Variants in CDH12 observed in about 807,000 individuals in gnomAD.
CDH12 encodes cadherin-12.
A neutral mutation model predicts 74.1 loss-of-function variants in CDH12; 41 were observed. That is an observed-to-expected ratio of 0.55 (90% CI 0.43 to 0.72). The LOEUF (loss-of-function observed/expected upper bound fraction) is 0.72, where lower values mean the gene tolerates loss of function less well. CDH12 is among the 30% of genes least tolerant of loss of function. CDH12 has a pLI of 0.00. For synonymous variants in CDH12, 399 were observed against 355.0 expected (o/e 1.12, Z -1.39); for missense variants, 945 against 977.2 (o/e 0.97, Z 0.44).
chr5:22,250,287 T>A (rs1381038332), intron 3 of CDH12, among the ~76,000 whole-genome samples: 3 of 152,132 alleles, frequency 2.0e-5, no homozygotes, highest in Admixed American at 6.6e-5. Context: ...AATCTACAAA[T>A]CTGCAATTTG....
At chr5:22,198,078 AT>A (rs1750723858) in intron 4 of CDH12, among the ~76,000 whole-genome samples, 1 of 152,046 alleles carries the variant, frequency 6.6e-6, no homozygotes, top group Non-Finnish European at 1.5e-5. Flanking sequence ...TTTACTTATA[AT>A]TACAACAAAG....
At chr5:21,873,730 A>G (rs139611498) in intron 6 of CDH12, among the ~76,000 whole-genome samples, 224 of 152,208 alleles carry the variant, frequency 1.5e-3, no homozygotes, top group African/African-American at 5.0e-3. Flanking sequence ...CTATCAACCT[A>G]TCACCTAGGT....
At chr5:21,877,872 G>C (rs913505844) in intron 6 of CDH12, among the ~76,000 whole-genome samples, 5 of 152,138 alleles carry the variant, frequency 3.3e-5, no homozygotes, top group Non-Finnish European at 7.3e-5. Flanking sequence ...GGACTGCATT[G>C]ATACCCATTA....
At chr5:22,212,723 G>A (rs916595251) in intron 3 of CDH12, 80 bp from the exon 4 acceptor site, 54 of 342,106 alleles carry the variant, frequency 1.6e-4, no homozygotes, top group African/African-American at 1.2e-3. Flanking sequence ...TTCTGAACGG[G>A]AGATTCTCCG....
At chr5:22,290,275 G>A (rs534295044) in intron 3 of CDH12, among the ~76,000 whole-genome samples, 1 of 151,816 alleles carries the variant, frequency 6.6e-6, no homozygotes, top group African/African-American at 2.4e-5. Flanking sequence ...CAAAATGAGG[G>A]GTCAGTGACT....
intron 3 of CDH12, among the ~76,000 whole-genome samples, chr5:22,278,580 A>T (rs761548833): frequency 4.6e-5 from 7 of 152,124 alleles, no homozygotes; most frequent in Non-Finnish European, 8.8e-5. Flanking sequence ...TGACACTTGA[A>T]GGATACATTA....
intron 6 of CDH12, chr5:21,882,811 C>A (rs1253559153): frequency 6.4e-6 from 10 of 1,559,070 alleles, no homozygotes; most frequent in African/African-American, 5.4e-5. Context: ...CCCAACGTAA[C>A]AAAAGATGGT....
intron 1 of CDH12, among the ~76,000 whole-genome samples, chr5:22,742,623 A>G (rs570271634): frequency 3.3e-5 from 5 of 152,240 alleles, no homozygotes; most frequent in African/African-American, 1.2e-4. Context: ...AACTAATCAT[A>G]ATATGCTGCC....
intron 1 of CDH12, among the ~76,000 whole-genome samples, chr5:22,795,345 C>A (rs1748140030): frequency 1.3e-5 from 2 of 152,126 alleles, no homozygotes; most frequent in East Asian, 1.9e-4. Context: ...AAAATAAGGG[C>A]AGAACAAGTG....
intron 4 of CDH12, among the ~76,000 whole-genome samples, chr5:22,182,857 T>G (rs1472328264): frequency 6.6e-6 from 1 of 151,814 alleles, no homozygotes; most frequent in Non-Finnish European, 1.5e-5. Flanking sequence ...TCTCTACAAC[T>G]GATTAGAGCT....
intron 4 of CDH12, among the ~76,000 whole-genome samples, chr5:22,207,216 CAA>C (rs11430414): frequency 3.2e-5 from 3 of 92,342 alleles, no homozygotes; most frequent in African/African-American, 4.1e-5. Context: ...AAGACTGTCT[CAA>C]AAAAAAAAAA....
At chr5:22,714,846 A>G (rs1346171241) in intron 1 of CDH12, among the ~76,000 whole-genome samples, 1 of 152,204 alleles carries the variant, frequency 6.6e-6, no homozygotes, top group East Asian at 1.9e-4. Flanking sequence ...GGGGCTTAAC[A>G]ACGTACTTTG....
At position 21,751,959 on chromosome 5, in the gene CDH12, T is replaced by A; in HGVS notation, c.2163A>T (p.Leu721=). 2 of 1,614,110 alleles carry A rather than the reference T, an allele frequency of 1.2e-6. No individual in the cohort carries two copies. Among genetic ancestry groups the A allele is most frequent in the Non-Finnish European group, 1.7e-6 (2 of 1,179,998 alleles). The part of the protein sequence containing the change: ...TDIRDFIHQR[L]QENDVDPTAP... ...CAGTTGGATCCACATCATTTTCCTGTAGCCTTTGATGAATGAAATCCCTTA... is the reference window on the plus strand; with the variant it reads ...CAGTTGGATCCACATCATTTTCCTGAAGCCTTTGATGAATGAAATCCCTTA... Residue 721 remains leucine, a synonymous_variant, in exon 15 of 15, where the codon CTA becomes CTT. Coordinates refer to ENST00000382254, the MANE Select transcript of CDH12 (RefSeq NM_004061.5).
intron 1 of CDH12, among the ~76,000 whole-genome samples, chr5:22,845,909 T>C (rs1737279723): frequency 6.6e-6 from 1 of 152,080 alleles, no homozygotes; most frequent in Non-Finnish European, 1.5e-5. Context: ...GAAATATCTG[T>C]TTAGAGACTA....
chr5:22,760,091 G>C (rs1364394444), intron 1 of CDH12, among the ~76,000 whole-genome samples: 1 of 152,194 alleles, frequency 6.6e-6, no homozygotes, highest in Admixed American at 6.5e-5. Flanking sequence ...ATGTGGTCTA[G>C]CCAAACTGAC....
intron 3 of CDH12, among the ~76,000 whole-genome samples, chr5:22,217,131 C>A (rs964593253): frequency 4.0e-5 from 6 of 151,464 alleles, no homozygotes; most frequent in African/African-American, 9.7e-5. Flanking sequence ...TTTCATAGTT[C>A]GAGTAATTAA....
At chr5:22,151,565 T>G (rs1747587106) in intron 4 of CDH12, among the ~76,000 whole-genome samples, 1 of 152,158 alleles carries the variant, frequency 6.6e-6, no homozygotes, top group Non-Finnish European at 1.5e-5. Context: ...CTGCCAATAA[T>G]TTTGTTCCCT....
chr5:22,724,788 A>C (rs1233854697), intron 1 of CDH12, among the ~76,000 whole-genome samples: 2 of 151,868 alleles, frequency 1.3e-5, no homozygotes, highest in African/African-American at 4.8e-5. Flanking sequence ...CTCTATTTTT[A>C]GATTGTTTCC....
chr5:21,759,495 G>A (rs1227632586), intron 13 of CDH12, among the ~76,000 whole-genome samples: 1 of 151,762 alleles, frequency 6.6e-6, no homozygotes, highest in African/African-American at 2.4e-5. Context: ...ATGGTAACAT[G>A]TTTTAGGCAT....
Sources: gnomAD v4.1 joint callset for allele counts (sites outside exome capture counted in the v4.1 genomes callset) on GRCh38, gnomAD v4.1.1 for gene constraint, MANE v1.5 for transcripts, NCBI Gene and HGNC (gene_info 2026-07-23, HGNC 2026-07-21) for gene names.